ERC2: variants seen among roughly 807,000 people sequenced by gnomAD.
ERC2 encodes ELKS/RAB6-interacting/CAST family member 2.
Under a neutral mutation model 114.8 loss-of-function variants are expected in ERC2, and 42 were observed. The ratio of observed to expected loss-of-function variants is 0.37; its 90% CI spans 0.29 to 0.47. The LOEUF is 0.47. Among genes scored for constraint, ERC2 ranks in the 20% least tolerant of loss-of-function variants. The pLI, the probability that ERC2 is intolerant of heterozygous loss-of-function variation, is 0.99. For missense variants in ERC2, 939 were observed against 1,150.7 expected (o/e 0.82, Z 2.66); for synonymous variants, 454 against 425.5 (o/e 1.07, Z -0.82).
At chr3:56,345,822 A>G (rs1464655414) in intron 2 of ERC2, among the ~76,000 whole-genome samples, 1 of 152,228 alleles carries the variant, frequency 6.6e-6, no homozygotes, top group East Asian at 1.9e-4. Context: ...AAACACATGC[A>G]TGCAATCTGT....
chr3:55,659,460 T>G lies in ERC2; in HGVS notation c.*39+24334A>C, dbSNP rs1053373261. 2.6e-5 allele frequency: 4 copies of G among 152,188 alleles called. No homozygotes were observed. The East Asian group carries it at 7.8e-4, about 29-fold the overall frequency. The allele number at this position is 152,188 out of a possible 1,614,324, so 9.4% of individuals were successfully genotyped here. On this transcript the variant is annotated intron_variant, in intron 17 of 17. Transcript: ENST00000288221. ...TCAGATAGCTCTGGAATCCCGCTGC[T>G]TTTCCCCATCCCTGATCTCCCCACC...
In ERC2 at chr3:56,018,953, T is replaced by C. The variant is rs1009514817; in HGVS notation, c.1720A>G (p.Thr574Ala). Residue 574 changes from threonine (T) to alanine (A), a missense_variant, in exon 8 of 18, where the codon ACG becomes GCG. This residue lies in a region of ERC2 where 149 missense variants were observed against 254.6 expected (regional missense o/e 0.59). Coordinates refer to ENST00000288221, the MANE Select transcript of ERC2 (RefSeq NM_015576.3). ...NLKDRVKSLQTDSSNTDTALA... is the reference protein window; with the variant it reads ...NLKDRVKSLQADSSNTDTALA... ...GCAGTATCTGTATTACTGGAATCCGTCTGCAAGGACTTCACTCTGTCTTTC... is the reference window on the plus strand; with the variant it reads ...GCAGTATCTGTATTACTGGAATCCGCCTGCAAGGACTTCACTCTGTCTTTC... The C allele has an allele frequency of 1.2e-6, 2 of 1,613,370 alleles. No homozygotes were observed. Among genetic ancestry groups the C allele is most frequent in the Non-Finnish European group, 1.7e-6 (2 of 1,179,550 alleles).
intron 2 of ERC2, among the ~76,000 whole-genome samples, chr3:56,320,858 C>A (rs2150421360): frequency 6.6e-6 from 1 of 152,324 alleles, no homozygotes; most frequent in Admixed American, 6.5e-5. Context: ...TCCCAAATCT[C>A]TATGGCTTAA....
At chr3:56,007,401 T>C (rs2072580712) in intron 9 of ERC2, 80 bp from the exon 10 acceptor site, 1 of 1,258,386 alleles carries the variant, frequency 7.9e-7, no homozygotes, top group African/African-American at 1.5e-5. Flanking sequence ...ATTGATTCTA[T>C]ACATAGCAAT....
At chr3:55,666,182 G>A (rs1303058021) in intron 17 of ERC2, among the ~76,000 whole-genome samples, 1 of 152,086 alleles carries the variant, frequency 6.6e-6, no homozygotes, top group Non-Finnish European at 1.5e-5. Context: ...GGTGGAGCGG[G>A]GATTTGAATC....
chr3:55,583,394 CCTTCTTTCCTTCCT>C, intron 17 of ERC2, among the ~76,000 whole-genome samples: 1 of 130,856 alleles, frequency 7.6e-6, no homozygotes, highest in South Asian at 2.6e-4. Flanking sequence ...TTCTTTCCTT[CCTTCTTTCCTTCCT>C]TCCTTCCTTC....
chr3:56,173,257 A>C (rs2082777477), intron 4 of ERC2, among the ~76,000 whole-genome samples, 189 bp downstream of exon 4: 2 of 152,204 alleles, frequency 1.3e-5, no homozygotes, highest in South Asian at 4.1e-4. Context: ...TTTGCCCAGA[A>C]AAGGCATCCT....
intron 14 of ERC2, among the ~76,000 whole-genome samples, chr3:55,865,722 T>C (rs62255835): frequency 0.096 from 14,594 of 152,240 alleles, 785 homozygotes; most frequent in South Asian, 0.16. Flanking sequence ...CCTTTTTGAC[T>C]GGCTTCTTTC....
chr3:55,687,226 T>TG (rs1266305446), intron 16 of ERC2, among the ~76,000 whole-genome samples: 4 of 152,230 alleles, frequency 2.6e-5, no homozygotes, highest in South Asian at 2.1e-4. Flanking sequence ...CTTGTTGTTG[T>TG]GGGGGGGCAT....
At chr3:56,415,291 C>T (rs1327089987) in intron 2 of ERC2, among the ~76,000 whole-genome samples, 1 of 152,196 alleles carries the variant, frequency 6.6e-6, no homozygotes, top group Non-Finnish European at 1.5e-5. Context: ...GATGGGTACA[C>T]ACCCTAATAT....
chr3:56,208,321 G>A (rs35138614), intron 3 of ERC2, among the ~76,000 whole-genome samples: 68,708 of 151,574 alleles, frequency 0.45, 15,974 homozygotes, highest in East Asian at 0.71. Context: ...ATTCATAGAG[G>A]GATTTTGAAC....
rs1307940036 is a variant in ERC2, at chr3:56,033,015, G to GAAA, written c.1642-13987_1642-13985dup. Among the ~76,000 whole-genome samples the GAAA allele has an allele frequency of 5.3e-3, 519 of 98,318 alleles. 4 individuals are homozygous for GAAA. The highest frequency in any genetic ancestry group is 0.017 in the African/African-American group (426 of 25,534). 64.5% of individuals were successfully genotyped at this position (98,318 alleles called of 152,430 possible). A position where few individuals can be genotyped will look rare whatever the true frequency, so the allele number is the denominator to read the frequency against. On this transcript the variant is annotated intron_variant, in intron 7 of 17. Transcript: ENST00000288221. ...AGAAAGAAAGAAAGAAAGAAAGAAAGAAAGAAAAAAGAAACAGAAAGAAAG... is the reference window on the plus strand; with the variant it reads ...AGAAAGAAAGAAAGAAAGAAAGAAAGAAAAAAGAAAAAAGAAACAGAAAGAAAG...
At chr3:55,576,545 G>A (rs140690399) in intron 17 of ERC2, among the ~76,000 whole-genome samples, 78 of 152,342 alleles carry the variant, frequency 5.1e-4, no homozygotes, top group Admixed American at 7.8e-4. Flanking sequence ...CTCCAGGCAC[G>A]TGCCCTTAGC....
At chr3:55,609,013 C>G (rs1481590905) in intron 17 of ERC2, among the ~76,000 whole-genome samples, 1 of 152,152 alleles carries the variant, frequency 6.6e-6, no homozygotes, top group African/African-American at 2.4e-5. Flanking sequence ...AAGATAATTG[C>G]TTGATTTTTT....
At chr3:56,272,458 A>G (rs2053716885) in intron 3 of ERC2, among the ~76,000 whole-genome samples, 1 of 152,236 alleles carries the variant, frequency 6.6e-6, no homozygotes, top group Non-Finnish European at 1.5e-5. Context: ...TACAGACTCC[A>G]TCTAGAAAGA....
chr3:55,749,880 C>T (rs1470868344), intron 14 of ERC2, among the ~76,000 whole-genome samples: 1 of 152,182 alleles, frequency 6.6e-6, no homozygotes, highest in East Asian at 1.9e-4. Context: ...AGGTCTACGA[C>T]TTCATTCTTG....
At chr3:56,019,704 T>C (rs1204096933) in intron 7 of ERC2, among the ~76,000 whole-genome samples, 1 of 152,156 alleles carries the variant, frequency 6.6e-6, no homozygotes, top group East Asian at 1.9e-4. Flanking sequence ...ATCTGCAGCC[T>C]GAAATAAACA....
chr3:56,433,191 AAAG>A (rs1313391841), intron 2 of ERC2, among the ~76,000 whole-genome samples: 38 of 22,258 alleles, frequency 1.7e-3, no homozygotes, highest in African/African-American at 2.4e-3. Context: ...AAAAAAAAAA[AAAG>A]AGAGAGAGAG....
chr3:55,781,214 C>T (rs1013913199), intron 14 of ERC2, among the ~76,000 whole-genome samples: 3 of 152,172 alleles, frequency 2.0e-5, no homozygotes, highest in Non-Finnish European at 2.9e-5. Flanking sequence ...GGGGCCATGA[C>T]ATCTTGTAGA....
Sources: gnomAD v4.1 joint callset for allele counts (sites outside exome capture counted in the v4.1 genomes callset) on GRCh38, gnomAD v4.1.1 for gene constraint, gnomAD v4.1.1 regional missense constraint, MANE v1.5 for transcripts, NCBI Gene and HGNC (gene_info 2026-07-23, HGNC 2026-07-21) for gene names.